The following COMMD7 variants were observed in gnomAD, a reference collection of about 807,000 sequenced individuals.
COMMD7 encodes the protein COMM domain-containing protein 7.
COMMD7 carries 28 observed loss-of-function variants against 34.8 expected under a neutral mutation model. The ratio of observed to expected loss-of-function variants is 0.80; its 90% CI spans 0.60 to 1.10. COMMD7 has a LOEUF of 1.10. Ranked by LOEUF, COMMD7 falls within the 50% of genes least tolerant of loss-of-function variation. The pLI, the probability that COMMD7 is intolerant of heterozygous loss-of-function variation, is 0.00. For missense variants in COMMD7, 211 were observed against 241.6 expected (o/e 0.87, Z 0.84); for synonymous variants, 80 against 86.4 (o/e 0.93, Z 0.41).
intron 1 of COMMD7, among the ~76,000 whole-genome samples, chr20:32,733,540 G>A (rs1469797366): frequency 6.6e-6 from 1 of 151,932 alleles, no homozygotes; most frequent in Non-Finnish European, 1.5e-5. Flanking sequence ...CTAACATGGT[G>A]AAACCCCATC....
chr20:32,708,700 C>T (rs1280372384), intron 3 of COMMD7, among the ~76,000 whole-genome samples: 3 of 129,454 alleles, frequency 2.3e-5, no homozygotes, highest in Admixed American at 8.1e-5. Flanking sequence ...TTCACTCTAT[C>T]GCCCAGGCTG....
intron 1 of COMMD7, among the ~76,000 whole-genome samples, chr20:32,735,676 G>A (rs1986099243): frequency 6.6e-6 from 1 of 151,936 alleles, no homozygotes; most frequent in Non-Finnish European, 1.5e-5. Context: ...ATTTTTAAGA[G>A]ATGGGGGTCT....
chr20:32,734,523 A>G (rs1159843907), intron 1 of COMMD7, among the ~76,000 whole-genome samples: 1 of 152,060 alleles, frequency 6.6e-6, no homozygotes, highest in Non-Finnish European at 1.5e-5. Context: ...TATATACAGA[A>G]TGAACCATTT....
At chr20:32,704,669 G>T in intron 6 of COMMD7, 145 bp downstream of exon 6, 1 of 786,852 alleles carries the variant, frequency 1.3e-6, no homozygotes, top group Non-Finnish European at 2.1e-6. Flanking sequence ...AACAGCTACT[G>T]AATGTGGACA....
chr20:32,731,277 C>T (rs1454776592), intron 1 of COMMD7, among the ~76,000 whole-genome samples: 1 of 152,094 alleles, frequency 6.6e-6, no homozygotes. Flanking sequence ...ATGATCACAC[C>T]ACTGAACTCC....
chr20:32,703,967 C>T, intron 8 of COMMD7, 56 bp downstream of exon 8: 1 of 1,612,634 alleles, frequency 6.2e-7, no homozygotes, highest in Non-Finnish European at 8.5e-7. Context: ...TCACCAGCCC[C>T]TGATTGCAGA....
chr20:32,712,002 T>C (rs1315471929), intron 3 of COMMD7, among the ~76,000 whole-genome samples: 1 of 89,050 alleles, frequency 1.1e-5, no homozygotes, highest in Non-Finnish European at 2.8e-5. Flanking sequence ...CTGGGCACGA[T>C]GGCTCATGCC....
At chr20:32,727,789 A>G in intron 3 of COMMD7, 104 bp downstream of exon 3, 1 of 938,656 alleles carries the variant, frequency 1.1e-6, no homozygotes, top group East Asian at 2.4e-5. Flanking sequence ...GCTCATTACC[A>G]AACGCTCTGG....
chr20:32,706,836 C>T, intron 3 of COMMD7, 76 bp from the exon 4 acceptor site: 2 of 1,184,070 alleles, frequency 1.7e-6, no homozygotes, highest in East Asian at 2.4e-5. Context: ...ATGGGCACAA[C>T]CTATGTGACC....
intron 1 of COMMD7, among the ~76,000 whole-genome samples, chr20:32,731,618 G>T (rs1985846462): frequency 6.6e-6 from 1 of 152,162 alleles, no homozygotes. Context: ...GAGGCTCCCT[G>T]GGGCCACCTA....
intron 1 of COMMD7, among the ~76,000 whole-genome samples, chr20:32,742,014 C>A (rs1986470838): frequency 2.0e-5 from 3 of 151,974 alleles, no homozygotes; most frequent in Non-Finnish European, 4.4e-5. Flanking sequence ...ATGGTCAAAC[C>A]CCATCTCTAC....
At chr20:32,733,696 G>A (rs1401081681) in intron 1 of COMMD7, among the ~76,000 whole-genome samples, 5 of 142,062 alleles carry the variant, frequency 3.5e-5, no homozygotes, top group East Asian at 2.1e-4. Context: ...CAACCTGGGC[G>A]ACAGGGCAAG....
chr20:32,727,564 C>G (rs554438122), intron 3 of COMMD7, among the ~76,000 whole-genome samples: 1 of 149,634 alleles, frequency 6.7e-6, no homozygotes, highest in Admixed American at 6.7e-5. Context: ...GTATTAGATT[C>G]AAGGGACATT....
chr20:32,710,846 A>T (rs1984395283), intron 3 of COMMD7, among the ~76,000 whole-genome samples: 1 of 152,100 alleles, frequency 6.6e-6, no homozygotes, highest in Non-Finnish European at 1.5e-5. Context: ...TGGGAAGCTG[A>T]GGTGAGAGGA....
At position 32,703,284 on chromosome 20, in the gene COMMD7, G is replaced by T; in HGVS notation, c.*98C>A. 1 of 1,084,766 alleles carries T rather than the reference G, an allele frequency of 9.2e-7. No individual in the cohort carries two copies. The highest frequency in any genetic ancestry group is 1.4e-6 in the Non-Finnish European group (1 of 739,638). 67.2% of individuals were successfully genotyped at this position (1,084,766 alleles called of 1,614,324 possible). A position where few individuals can be genotyped will look rare whatever the true frequency, so the allele number is the denominator to read the frequency against. On this transcript the variant is annotated 3_prime_UTR_variant, in exon 9 of 9. Coordinates refer to ENST00000278980, the MANE Select transcript of COMMD7 (RefSeq NM_053041.3). ...CATGGAGCCAGCAGGGCCCCATGGA[G>T]CATCCCACAGGCCTGTGAGTGAAGT...
At chr20:32,740,601 C>T (rs1361408810) in intron 1 of COMMD7, among the ~76,000 whole-genome samples, 2 of 151,824 alleles carry the variant, frequency 1.3e-5, no homozygotes, top group Non-Finnish European at 2.9e-5. Context: ...GTGTTTTAAG[C>T]TATGTGTTAC....
chr20:32,705,537 C>A (rs1181509855), intron 5 of COMMD7, among the ~76,000 whole-genome samples: 1 of 151,844 alleles, frequency 6.6e-6, no homozygotes, highest in African/African-American at 2.4e-5. Context: ...CCATGCCCAG[C>A]TAATTTTTTA....
chr20:32,704,868 T>TGG lies in COMMD7; in HGVS notation c.371_372dup (p.Ile125ProfsTer2). 1 of 1,614,100 alleles carries TGG rather than the reference T, an allele frequency of 6.2e-7. No homozygotes were observed. On this transcript the variant is annotated frameshift_variant, in exon 6 of 9. Transcript: ENST00000278980. LOFTEE classifies it high-confidence loss of function. ...TGGTTAATCATCAGAGTCTGACCTA[T>TGG]GGCCCATCGAGCAAGGGTGGGAGCA...
intron 1 of COMMD7, among the ~76,000 whole-genome samples, chr20:32,741,898 A>G (rs6119946): frequency 0.42 from 63,153 of 152,074 alleles, 16,421 homozygotes; most frequent in Middle Eastern, 0.61. Flanking sequence ...TGCATAAGAT[A>G]AACTCAGGGC....
Sources: allele counts gnomAD v4.1 joint callset (sites outside exome capture counted in the v4.1 genomes callset), GRCh38; gene constraint gnomAD v4.1.1; transcripts MANE v1.5; gene names NCBI Gene and HGNC (gene_info 2026-07-23, HGNC 2026-07-21).